The following NRG3 variants were observed in gnomAD, a reference collection of about 807,000 sequenced individuals.
The protein encoded by NRG3 is neuregulin 3.
Under a neutral mutation model 66.9 loss-of-function variants are expected in NRG3, and 31 were observed. The ratio of observed to expected loss-of-function variants is 0.46; its 90% CI spans 0.35 to 0.63. NRG3 has a LOEUF of 0.63. Ranked by LOEUF, NRG3 falls within the 20% of genes least tolerant of loss-of-function variation. The pLI is 0.00. For synonymous variants in NRG3, 393 were observed against 359.4 expected, an observed-to-expected ratio of 1.09 and a Z score of -1.06; for missense variants, 910 against 878.9, an observed-to-expected ratio of 1.04 and a Z score of -0.45.
At chr10:82,246,486 C>CT (rs760895881) in intron 1 of NRG3, among the ~76,000 whole-genome samples, 67 of 152,232 alleles carry the variant, frequency 4.4e-4, no homozygotes, top group Middle Eastern at 6.8e-3. Context: ...TCTAAACAAA[C>CT]TTTTTTCACT....
At chr10:82,833,368 T>A (rs2062621663) in intron 3 of NRG3, among the ~76,000 whole-genome samples, 1 of 152,280 alleles carries the variant, frequency 6.6e-6, no homozygotes. Flanking sequence ...GTCTCAATCC[T>A]GACCCAGACT....
chr10:82,237,508 A>C (rs1315471242), intron 1 of NRG3, among the ~76,000 whole-genome samples: 1 of 152,096 alleles, frequency 6.6e-6, no homozygotes, highest in Non-Finnish European at 1.5e-5. Flanking sequence ...TACTCTGTGA[A>C]GGCTGAACTA....
chr10:82,216,042 A>G (rs1270520506), intron 1 of NRG3, among the ~76,000 whole-genome samples: 1 of 134,382 alleles, frequency 7.4e-6, no homozygotes, highest in Non-Finnish European at 1.5e-5. Flanking sequence ...ATCTCGGCTC[A>G]CTGCAACCTC....
intron 2 of NRG3, among the ~76,000 whole-genome samples, chr10:82,377,325 C>T (rs961379740): frequency 1.3e-5 from 2 of 152,166 alleles, no homozygotes; most frequent in South Asian, 4.1e-4. Flanking sequence ...TTTGATTTCA[C>T]CAGAGCCTCT....
At chr10:82,115,452 G>T (rs1172078082) in intron 1 of NRG3, among the ~76,000 whole-genome samples, 1 of 152,112 alleles carries the variant, frequency 6.6e-6, no homozygotes, top group East Asian at 1.9e-4. Context: ...ACTTTGTACT[G>T]TTTTTAAGGA....
At chr10:82,306,776 G>C (rs12414252) in intron 1 of NRG3, among the ~76,000 whole-genome samples, 4 of 137,608 alleles carry the variant, frequency 2.9e-5, no homozygotes, top group Admixed American at 2.3e-4. Flanking sequence ...CCATCCTATT[G>C]CTTTTTTTGA....
At chr10:82,484,760 C>A (rs1842546845) in intron 2 of NRG3, among the ~76,000 whole-genome samples, 2 of 152,178 alleles carry the variant, frequency 1.3e-5, no homozygotes, top group South Asian at 4.1e-4. Flanking sequence ...ATTCCTAGTA[C>A]AGTCACAATG....
chr10:82,447,960 C>T (rs141465551), intron 2 of NRG3, among the ~76,000 whole-genome samples: 177 of 152,286 alleles, frequency 1.2e-3, no homozygotes, highest in African/African-American at 4.0e-3. Context: ...AGTTCCGTTA[C>T]GCCTTTTAAA....
chr10:82,985,211 A>C lies in NRG3; in HGVS notation c.1697A>C (p.Tyr566Ser), dbSNP rs761744788. 6.2e-7 allele frequency: 1 copy of C among 1,614,146 alleles called. No homozygotes were observed. The highest frequency in any genetic ancestry group is 8.5e-7 in the Non-Finnish European group (1 of 1,179,994). Residue 566 changes from tyrosine to serine, a missense_variant, in exon 9 of 9, where the codon TAT (tyrosine) becomes TCT (serine). Tyr to Ser is a moderately radical substitution (Grantham distance 144, BLOSUM62 -2). Coordinates refer to ENST00000372141, the MANE Select transcript of NRG3 (RefSeq NM_001010848.4). ...TTGGAGCAAAAGGACCTGGTGGGCT[A>C]TTCATCCACAAGGGCCAGTTCTGTG... ...NSLEQKDLVG[Y>S]SSTRASSVPI...
intron 1 of NRG3, among the ~76,000 whole-genome samples, chr10:82,119,321 C>G (rs1004620660): frequency 3.9e-5 from 6 of 152,128 alleles, no homozygotes; most frequent in African/African-American, 1.4e-4. Flanking sequence ...TGAAATTTGT[C>G]TCTCTCTTTC....
At chr10:82,176,111 G>T (rs1409508646) in intron 1 of NRG3, among the ~76,000 whole-genome samples, 6 of 152,144 alleles carry the variant, frequency 3.9e-5, no homozygotes, top group Non-Finnish European at 8.8e-5. Context: ...TCTTGTAGTA[G>T]TTCTCAAAGT....
chr10:82,616,167 T>C (rs1408292319), intron 2 of NRG3, among the ~76,000 whole-genome samples: 2 of 152,166 alleles, frequency 1.3e-5, no homozygotes, highest in Admixed American at 6.6e-5. Flanking sequence ...TGGAAACCGT[T>C]TGCACTCAAA....
chr10:82,353,016 A>G (rs1456130991), intron 1 of NRG3, among the ~76,000 whole-genome samples: 1 of 152,070 alleles, frequency 6.6e-6, no homozygotes, highest in Non-Finnish European at 1.5e-5. Flanking sequence ...GAAGTGGTAA[A>G]TTCAAAAGAT....
intron 4 of NRG3, among the ~76,000 whole-genome samples, chr10:82,911,298 T>TA (rs766994584): frequency 1.3e-5 from 2 of 152,100 alleles, no homozygotes; most frequent in African/African-American, 2.4e-5. Context: ...ATTTTTAATT[T>TA]AAAAAAATCT....
chr10:82,722,621 A>G (rs1045436928), intron 2 of NRG3, among the ~76,000 whole-genome samples: 7 of 152,160 alleles, frequency 4.6e-5, no homozygotes, highest in Non-Finnish European at 7.4e-5. Context: ...CCTGAGCTCA[A>G]CACACACAGG....
intron 2 of NRG3, among the ~76,000 whole-genome samples, chr10:82,665,829 C>G (rs1200534073): frequency 1.3e-5 from 2 of 152,122 alleles, no homozygotes; most frequent in African/African-American, 2.4e-5. Context: ...CCCTGGGCAT[C>G]CACTCTACTA....
At chr10:82,633,028 G>A (rs1227602488) in intron 2 of NRG3, among the ~76,000 whole-genome samples, 1 of 152,150 alleles carries the variant, frequency 6.6e-6, no homozygotes, top group Non-Finnish European at 1.5e-5. Context: ...CTCTGCCATT[G>A]ACAGGTTTGT....
At chr10:82,348,418 G>A (rs1413162427) in intron 1 of NRG3, among the ~76,000 whole-genome samples, 2 of 146,688 alleles carry the variant, frequency 1.4e-5, no homozygotes, top group Admixed American at 6.7e-5. Context: ...TGGCTTGTAG[G>A]GTTTCTGCTG....
intron 2 of NRG3, among the ~76,000 whole-genome samples, chr10:82,662,944 G>T (rs759966502): frequency 6.6e-6 from 1 of 152,098 alleles, no homozygotes; most frequent in African/African-American, 2.4e-5. Context: ...CTGTATTCCA[G>T]GTAGGAAGAA....
Sources: gnomAD v4.1 joint callset for allele counts (sites outside exome capture counted in the v4.1 genomes callset) on GRCh38, gnomAD v4.1.1 for gene constraint, MANE v1.5 for transcripts, NCBI Gene and HGNC (gene_info 2026-07-23, HGNC 2026-07-21) for gene names.